ALKBH8: variants seen among roughly 807,000 people sequenced by gnomAD.
The protein encoded by ALKBH8 is tRNA (carboxymethyluridine(34)-5-O)-methyltransferase ALKBH8.
ALKBH8 carries 36 observed loss-of-function variants against 59.8 expected under a neutral mutation model. The observed-to-expected ratio is 0.60, with a 90% CI of 0.46 to 0.79. ALKBH8 has a LOEUF of 0.79. ALKBH8 is among the 30% of genes least tolerant of loss of function. ALKBH8 has a pLI of 0.00. For missense variants in ALKBH8, 768 were observed against 801.0 expected (o/e 0.96, Z 0.50); for synonymous variants, 276 against 273.6 (o/e 1.01, Z -0.09).
At chr11:107,532,114 T>C (rs948239737) in intron 8 of ALKBH8, among the ~76,000 whole-genome samples, 186 bp downstream of exon 8, 1 of 152,198 alleles carries the variant, frequency 6.6e-6, no homozygotes, top group African/African-American at 2.4e-5. Context: ...AAGTTTGCTA[T>C]AAATTAAGAA....
chr11:107,511,095 T>G, intron 10 of ALKBH8, 59 bp from the exon 11 acceptor site: 1 of 1,512,014 alleles, frequency 6.6e-7, no homozygotes, highest in Non-Finnish European at 9.0e-7. Flanking sequence ...AATTAAGAAC[T>G]ATGAACTTAT....
Position 107,556,982 on chromosome 11 carries a change from C to A in ALKBH8, c.151G>T (p.Gly51Cys). ...TTCCGACTCACACCATTACCCAAAC[C>A]ACCATTGGCAACAACCAGGCTCTTA... ...ATQSLVVANG[G>C]LGNGVSRNQL... Residue 51 changes from glycine (G) to cysteine (C), a missense_variant, in exon 3 of 12, where the codon GGT (glycine) becomes TGT (cysteine). By Grantham distance (159) the Gly-to-Cys change is radical (BLOSUM62 -3). Coordinates refer to ENST00000428149, the MANE Select transcript of ALKBH8 (RefSeq NM_138775.3). The A allele has an allele frequency of 6.3e-7, 1 of 1,586,644 alleles. No homozygotes were observed.
chr11:107,530,579 T>C (rs1863546254), intron 8 of ALKBH8, among the ~76,000 whole-genome samples: 1 of 138,412 alleles, frequency 7.2e-6, no homozygotes, highest in Non-Finnish European at 1.5e-5. Context: ...CTCCCCCATT[T>C]CCCCATCTCT....
chr11:107,548,815 T>C (rs1163905081), intron 7 of ALKBH8, among the ~76,000 whole-genome samples: 1 of 152,010 alleles, frequency 6.6e-6, no homozygotes, highest in Admixed American at 6.6e-5. Context: ...TGACCTGATG[T>C]TTTAAGGACT....
intron 6 of ALKBH8, among the ~76,000 whole-genome samples, chr11:107,550,093 T>G (rs931016114): frequency 3.3e-5 from 5 of 152,200 alleles, no homozygotes. Context: ...GACACTTAAC[T>G]CAATTCCAGC....
At chr11:107,526,740 C>T (rs1318714198) in intron 8 of ALKBH8, among the ~76,000 whole-genome samples, 1 of 151,972 alleles carries the variant, frequency 6.6e-6, no homozygotes, top group Non-Finnish European at 1.5e-5. Flanking sequence ...ATCTACCTCA[C>T]ATTAACTTTG....
chr11:107,546,054 T>C (rs1277424627), intron 7 of ALKBH8, among the ~76,000 whole-genome samples: 1 of 152,220 alleles, frequency 6.6e-6, no homozygotes, highest in East Asian at 1.9e-4. Context: ...ACGTGACTCA[T>C]TCTTTGTTCT....
rs965994075 is a variant in ALKBH8 at position 107,520,785 on chromosome 11, G to A, written c.1287+1514C>T. On this transcript the variant is annotated intron_variant, in intron 10 of 11. Transcript: ENST00000428149. The stretch of plus-strand genomic sequence containing the variant: ...TTGATGAAAGGCTATTCTTTTATCC[G>A]CCTCTTAATGTACAAACTCTACATT... Among the ~76,000 whole-genome samples, 8 of 152,100 alleles carry A rather than the reference G, an allele frequency of 5.3e-5. 1 individual carries two copies. The highest frequency in any genetic ancestry group is 1.9e-4 in the East Asian group (1 of 5,184).
intron 8 of ALKBH8, among the ~76,000 whole-genome samples, chr11:107,529,600 G>C (rs573476930): frequency 1.3e-5 from 2 of 151,992 alleles, no homozygotes; most frequent in South Asian, 2.1e-4. Flanking sequence ...CGCCTCCCGG[G>C]TTCAAGTGAT....
In ALKBH8 at chr11:107,502,847, C is replaced by T. The variant is rs1862235478; in HGVS notation, c.*1811G>A. On this transcript the variant is annotated 3_prime_UTR_variant, in exon 12 of 12. Transcript: ENST00000428149. The stretch of plus-strand genomic sequence containing the variant: ...TTCTCAAAGCCATACTATATTCTTA[C>T]ACTATCCTATGATGTATACAAATAT... 2 of 152,222 alleles carry T rather than the reference C, an allele frequency of 1.3e-5. 1 individual carries two copies. Among genetic ancestry groups the T allele is most frequent in the South Asian group, 4.1e-4 (2 of 4,830 alleles). The allele number at this position is 152,222 out of a possible 1,614,324, so 9.4% of individuals were successfully genotyped here.
intron 8 of ALKBH8, among the ~76,000 whole-genome samples, chr11:107,526,323 G>A (rs543679616): frequency 7.9e-5 from 12 of 152,082 alleles, no homozygotes; most frequent in Non-Finnish European, 1.5e-4. Flanking sequence ...TGAGTGGCAT[G>A]TGGTATGAAA....
In ALKBH8 at chr11:107,525,539, C is replaced by T. The variant is rs778806079; in HGVS notation, c.932G>A (p.Gly311Glu). The T allele has an allele frequency of 1.3e-6, 2 of 1,530,752 alleles. No individual in the cohort carries two copies. The highest frequency in any genetic ancestry group is 2.5e-5 in the South Asian group (2 of 81,162). 94.8% of individuals were successfully genotyped at this position (1,530,752 alleles called of 1,614,324 possible). The change falls in exon 9 of 12, where the codon GGA becomes GAA. Residue 311 changes from glycine (G) to glutamate (E), a missense_variant. Transcript: ENST00000428149. ...GTCTCCAACATCACTGGTGATAATT[C>T]CACTTTTAAGACTCTCAGATGCTTG... is the stretch of plus-strand genomic sequence containing the variant. ...TVQASESLKS[G>E]IITSDVGDLT...
intron 1 of ALKBH8, among the ~76,000 whole-genome samples, chr11:107,561,673 T>A (rs553136211): frequency 2.6e-4 from 39 of 152,346 alleles, no homozygotes; most frequent in Non-Finnish European, 3.7e-4. Context: ...AGTAGTCTTT[T>A]ATTTTGTTCA....
rs755443766 is a variant in ALKBH8 at position 107,534,062 on chromosome 11, G to A, written c.772-1656C>T. Among the ~76,000 whole-genome samples the A allele has an allele frequency of 4.6e-5, 7 of 152,142 alleles. No homozygotes were observed. The East Asian group carries it at 9.7e-4, about 21-fold the overall frequency. Reference sequence around the variant, plus strand: ...GGGGAATTACTTGAACCCAGGAGGCGGAGGTTGCAGGGAGCTGAGTTCACG... The same window carrying A: ...GGGGAATTACTTGAACCCAGGAGGCAGAGGTTGCAGGGAGCTGAGTTCACG... On this transcript the variant is annotated intron_variant, in intron 7 of 11. Transcript: ENST00000428149.
At chr11:107,550,140 T>A (rs189655840) in intron 6 of ALKBH8, among the ~76,000 whole-genome samples, 1 of 152,294 alleles carries the variant, frequency 6.6e-6, no homozygotes, top group East Asian at 1.9e-4. Context: ...ACAAAAGTCA[T>A]TTTTACCTTC....
Position 107,510,894 on chromosome 11 carries a change from G to C in ALKBH8, c.1430C>G (p.Ala477Gly), listed in dbSNP as rs1290120314. 2 of 1,551,284 alleles carry C rather than the reference G, an allele frequency of 1.3e-6. No homozygotes were observed. The highest frequency in any genetic ancestry group is 4.9e-5 in the East Asian group (2 of 40,914). Residue 477 changes from alanine to glycine, a missense_variant, in exon 11 of 12, where the codon GCA (alanine) becomes GGA (glycine). By Grantham distance (60) the Ala-to-Gly change is moderately conservative (BLOSUM62 0). Coordinates refer to ENST00000428149, the MANE Select transcript of ALKBH8 (RefSeq NM_138775.3). ...CISIAVIHHF[A>G]TAERRVAALQ... is the part of the protein sequence containing the mutation. ...AAGAAAGACCATACTTACTGCTGTTGCAAAATGATGAATAACAGCAATGGA... is the reference window on the plus strand; with the variant it reads ...AAGAAAGACCATACTTACTGCTGTTCCAAAATGATGAATAACAGCAATGGA...
chr11:107,556,291 AAT>A (rs1412088251), intron 3 of ALKBH8, among the ~76,000 whole-genome samples: 2 of 152,096 alleles, frequency 1.3e-5, no homozygotes, highest in African/African-American at 2.4e-5. Flanking sequence ...AAAGCAAAAA[AAT>A]AAATAAATAA....
rs1212912011 is a variant in ALKBH8, at chr11:107,525,528, T to C, written c.943A>G (p.Ser315Gly). 1.3e-6 allele frequency: 2 copies of C among 1,535,080 alleles called. No individual in the cohort carries two copies. The highest frequency in any genetic ancestry group is 2.4e-5 in the South Asian group (2 of 81,860). Residue 315 changes from serine to glycine, a missense_variant, in exon 9 of 12, where the codon AGT becomes GGT. Coordinates refer to ENST00000428149, the MANE Select transcript of ALKBH8 (RefSeq NM_138775.3). ...SESLKSGIIT[S>G]DVGDLTLSKR... ...CTTAAAGTTAAGTCTCCAACATCAC[T>C]GGTGATAATTCCACTTTTAAGACTC...
intron 4 of ALKBH8, among the ~76,000 whole-genome samples, chr11:107,553,628 G>A (rs1328243962): frequency 6.6e-6 from 1 of 152,078 alleles, no homozygotes; most frequent in Non-Finnish European, 1.5e-5. Flanking sequence ...CTATATAAAT[G>A]TTGGATAATA....
Sources: allele counts gnomAD v4.1 joint callset (sites outside exome capture counted in the v4.1 genomes callset), GRCh38; gene constraint gnomAD v4.1.1; transcripts MANE v1.5; gene names NCBI Gene and HGNC (gene_info 2026-07-23, HGNC 2026-07-21).